HCN3: variants seen among roughly 807,000 people sequenced by gnomAD.
HCN3 encodes hyperpolarization activated cyclic nucleotide gated potassium channel 3.
Under a neutral mutation model 56.8 loss-of-function variants are expected in HCN3, and 36 were observed. The observed-to-expected ratio is 0.63, with a 90% CI of 0.49 to 0.84. HCN3 has a LOEUF of 0.84. HCN3 is among the 40% of genes least tolerant of loss of function. The probability of loss-of-function intolerance (pLI) is 0.00; values close to 1 mark genes in which losing one functional copy is unlikely to be tolerated. For synonymous variants in HCN3, 425 were observed against 439.7 expected, an observed-to-expected ratio of 0.97 and a Z score of 0.42; for missense variants, 930 against 1,079.3, an observed-to-expected ratio of 0.86 and a Z score of 1.94.
chr1:155,280,193 C>A (rs1241758482), intron 1 of HCN3, among the ~76,000 whole-genome samples: 1 of 151,974 alleles, frequency 6.6e-6, no homozygotes, highest in Non-Finnish European at 1.5e-5. Flanking sequence ...GATCCACCCA[C>A]CTCAGCCTCC....
rs1420344105 is a variant in HCN3 at position 155,277,477 on chromosome 1, G to C, written c.-114G>C. 3.1e-6 allele frequency: 4 copies of C among 1,310,216 alleles called. No homozygotes were observed. Among genetic ancestry groups the C allele is most frequent in the Non-Finnish European group, 4.1e-6 (4 of 985,730 alleles). 81.2% of individuals were successfully genotyped at this position (1,310,216 alleles called of 1,614,324 possible). ...CGCGCGCCGGCGATTCCGAGCCTAC[G>C]ACGCCTCCGCTAGAGCCCGCGGGGC... On this transcript the variant is annotated 5_prime_UTR_variant, in exon 1 of 8. Coordinates refer to ENST00000368358, the MANE Select transcript of HCN3 (RefSeq NM_020897.3).
rs1557946281 is a variant in HCN3, at chr1:155,282,311, T to C, written c.279-100T>C. 1.7e-4 allele frequency: 184 copies of C among 1,106,156 alleles called. No individual in the cohort carries two copies. Among genetic ancestry groups the C allele is most frequent in the Non-Finnish European group, 2.3e-4 (170 of 746,014 alleles). The allele number at this position is 1,106,156 out of a possible 1,614,324, so 68.5% of individuals were successfully genotyped here. ...TGTAAACAGTCATTCTGTTATTGTG[T>C]ATCTTTGCCCATTCTTGGCCATGTC... On this transcript the variant is annotated intron_variant, in intron 1 of 7. Transcript: ENST00000368358. This position sits in a 1 kb window ranked among gnomAD's most constrained non-coding sequence, Gnocchi z 4.7.
At chr1:155,287,441 C>T (rs2148187093) in intron 7 of HCN3, 104 bp downstream of exon 7, 2 of 1,335,874 alleles carry the variant, frequency 1.5e-6, no homozygotes, top group East Asian at 4.7e-5. Context: ...TATCCCAATC[C>T]ATTCAGTCCC....
chr1:155,283,248 A>C (rs1437661726), intron 2 of HCN3, among the ~76,000 whole-genome samples: 1 of 152,098 alleles, frequency 6.6e-6, no homozygotes, highest in Admixed American at 6.6e-5. Context: ...ATTGTTTACT[A>C]TAGGAGACTT....
chr1:155,286,044 C>T (rs1674273896), intron 6 of HCN3, 80 bp downstream of exon 6: 3 of 1,508,010 alleles, frequency 2.0e-6, no homozygotes, highest in South Asian at 1.3e-5. Flanking sequence ...TGGGTCCCTG[C>T]CTCAGTACGC....
Position 155,288,105 on chromosome 1 carries a change from C to A in HCN3, c.1967C>A (p.Pro656Gln). Residue 656 changes from proline (P) to glutamine (Q), a missense_variant, in exon 8 of 8, where the codon CCG becomes CAG. Pro to Gln is a moderately conservative substitution (Grantham distance 76). Transcript: ENST00000368358. The surrounding 1 kb of genome is among the most constrained non-coding windows in gnomAD (Gnocchi z 6.5). The part of the protein sequence containing the change: ...AWRSAGSPAS[P>Q]LVPVRAGPWA... ...CGCTCAGCAGGCTCTCCAGCTTCCCCGCTGGTGCCCGTCCGAGCTGGCCCA... is the reference window on the plus strand; with the variant it reads ...CGCTCAGCAGGCTCTCCAGCTTCCCAGCTGGTGCCCGTCCGAGCTGGCCCA... 1 of 1,607,512 alleles carries A rather than the reference C, an allele frequency of 6.2e-7. No individual in the cohort carries two copies. The highest frequency in any genetic ancestry group is 1.1e-5 in the South Asian group (1 of 90,548).
At position 155,288,412 on chromosome 1, in the gene HCN3, A is replaced by G; in HGVS notation, c.2274A>G (p.Pro758=). 1 of 1,612,726 alleles carries G rather than the reference A, an allele frequency of 6.2e-7. No homozygotes were observed. The highest frequency in any genetic ancestry group is 1.3e-5 in the African/African-American group (1 of 75,006). ...GGACAGCCCAGCCCCCCAGGCCACC[A>G]GTGCCTGAGCCAGCCACACCCCGGG... ...PPRTAQPPRP[P]VPEPATPRGL... The change falls in exon 8 of 8, where the codon CCA becomes CCG. Residue 758 remains proline (P), a synonymous_variant. Coordinates refer to ENST00000368358, the MANE Select transcript of HCN3 (RefSeq NM_020897.3). This position sits in a 1 kb window ranked among gnomAD's most constrained non-coding sequence, Gnocchi z 6.5.
chr1:155,277,999 GAGTCACTTGCACC>G lies in HCN3; in HGVS notation c.278+136_278+148del, dbSNP rs1456533544. The stretch of plus-strand genomic sequence containing the variant: ...CCCGGGGTCCCTTGGTGGGGCGGGA[GAGTCACTTGCACC>G]AGTCTAGCCTGGGAATTCCTGGGCG... On this transcript the variant is annotated intron_variant, in intron 1 of 7. Transcript: ENST00000368358. 4 of 1,154,744 alleles carry G rather than the reference GAGTCACTTGCACC, an allele frequency of 3.5e-6. No homozygotes were observed. In the African/African-American group the frequency reaches 6.2e-5, roughly 18 times the overall value. 71.5% of individuals were successfully genotyped at this position (1,154,744 alleles called of 1,614,324 possible). A position where few individuals can be genotyped will look rare whatever the true frequency, so the allele number is the denominator to read the frequency against.
chr1:155,286,563 T>C (rs1674295719), intron 6 of HCN3, among the ~76,000 whole-genome samples: 1 of 152,102 alleles, frequency 6.6e-6, no homozygotes, highest in Non-Finnish European at 1.5e-5. Context: ...TCCTATGAGA[T>C]GAGGGAAAGG....
In HCN3 at chr1:155,282,445, G is replaced by A. The variant is rs141019470; in HGVS notation, c.313G>A (p.Val105Met). 31 of 1,614,222 alleles carry A rather than the reference G, an allele frequency of 1.9e-5. No homozygotes were observed. The East Asian group carries it at 6.9e-4, about 36-fold the overall frequency. The change falls in exon 2 of 8, where the codon GTG becomes ATG. Residue 105 changes from valine (V) to methionine (M), a missense_variant. Transcript: ENST00000368358. This position sits in a 1 kb window ranked among gnomAD's most constrained non-coding sequence, Gnocchi z 4.7. ...YWDLIMLLLM[V>M]GNLIVLPVGI... is the part of the protein sequence containing the mutation. The stretch of plus-strand genomic sequence containing the variant: ...GGACCTGATCATGCTGCTGCTGATG[G>A]TGGGGAACCTCATCGTCCTGCCTGT...
Position 155,288,776 on chromosome 1 carries a change from T to G in HCN3, c.*313T>G. The G allele has an allele frequency of 2.9e-5, 10 of 348,764 alleles. No homozygotes were observed. Among genetic ancestry groups the G allele is most frequent in the Non-Finnish European group, 4.7e-5 (9 of 191,998 alleles). The allele number at this position is 348,764 out of a possible 1,614,324, so 21.6% of individuals were successfully genotyped here. A position where few individuals can be genotyped will look rare whatever the true frequency, so the allele number is the denominator to read the frequency against. On this transcript the variant is annotated 3_prime_UTR_variant, in exon 8 of 8. Coordinates refer to ENST00000368358, the MANE Select transcript of HCN3 (RefSeq NM_020897.3). This position sits in a 1 kb window ranked among gnomAD's most constrained non-coding sequence, Gnocchi z 6.5. The stretch of plus-strand genomic sequence containing the variant: ...GACTCAAAACCCTCTGACAAGGATA[T>G]TCCCTTGGCTATGGTCCTGCCAGGT...
intron 1 of HCN3, among the ~76,000 whole-genome samples, chr1:155,281,453 C>G (rs563129268): frequency 3.7e-4 from 56 of 151,980 alleles, no homozygotes; most frequent in African/African-American, 1.3e-3. Flanking sequence ...ACTGCAACCT[C>G]TGCCTTCCGG....
rs563192411 is a variant in HCN3, at chr1:155,288,267, G to A, written c.2129G>A (p.Arg710His). The change falls in exon 8 of 8, where the codon CGC becomes CAC. Residue 710 changes from arginine to histidine, a missense_variant. Physicochemically the swap from Arg to His is conservative, Grantham distance 29 (BLOSUM62 0). Coordinates refer to ENST00000368358, the MANE Select transcript of HCN3 (RefSeq NM_020897.3). The surrounding 1 kb of genome is among the most constrained non-coding windows in gnomAD (Gnocchi z 6.5). ...GGGRRLGPRG[R>H]PLSASQPSLP... ...GGACGGCGGCTAGGACCTCGGGGCC[G>A]CCCACTCTCAGCCTCCCAACCCTCT... is the stretch of plus-strand genomic sequence containing the variant. 2.7e-5 allele frequency: 44 copies of A among 1,602,772 alleles called. No homozygotes were observed. The highest frequency in any genetic ancestry group is 3.3e-4 in the Middle Eastern group (2 of 6,050).
intron 6 of HCN3, among the ~76,000 whole-genome samples, chr1:155,286,380 C>G (rs1653013322): frequency 6.6e-6 from 1 of 152,130 alleles, no homozygotes. Context: ...CTCCTGACCT[C>G]GTGATCCGCC....
At chr1:155,278,792 T>G (rs1673911052) in intron 1 of HCN3, among the ~76,000 whole-genome samples, 1 of 152,220 alleles carries the variant, frequency 6.6e-6, no homozygotes, top group Non-Finnish European at 1.5e-5. Context: ...CTGTCTTTGC[T>G]GCCTCGTTCC....
Position 155,285,553 on chromosome 1 carries a change from A to T in HCN3, c.1237-171A>T, listed in dbSNP as rs1302270609. The stretch of plus-strand genomic sequence containing the variant: ...TTGGGGGATGGTCCTGCAAGGGCTC[A>T]TGGGAAAGATCTGAAGGCAGGAGCT... On this transcript the variant is annotated intron_variant, in intron 5 of 7. Transcript: ENST00000368358. This position sits in a 1 kb window ranked among gnomAD's most constrained non-coding sequence, Gnocchi z 4.5. Among the ~76,000 whole-genome samples, 2 of 152,206 alleles carry T rather than the reference A, an allele frequency of 1.3e-5. No individual in the cohort carries two copies. The highest frequency in any genetic ancestry group is 4.1e-4 in the South Asian group (2 of 4,838).
At position 155,285,952 on chromosome 1, in the gene HCN3, T is replaced by A. The variant is rs1366286481; in HGVS notation, c.1465T>A (p.Ser489Thr). ...CCGGGACACACGCCTCACCGATGGATCCTACTTTGGGGGTCAGCAGGCCTC... is the reference window on the plus strand; with the variant it reads ...CCGGGACACACGCCTCACCGATGGAACCTACTTTGGGGGTCAGCAGGCCTC... ...GARDTRLTDGSYFGEICLLTR... is the reference protein window; with the variant it reads ...GARDTRLTDGTYFGEICLLTR... Residue 489 changes from serine to threonine, a missense_variant, in exon 6 of 8, where the codon TCC becomes ACC. Coordinates refer to ENST00000368358, the MANE Select transcript of HCN3 (RefSeq NM_020897.3). The surrounding 1 kb of genome is among the most constrained non-coding windows in gnomAD (Gnocchi z 4.5). 2 of 1,587,292 alleles carry A rather than the reference T, an allele frequency of 1.3e-6. No individual in the cohort carries two copies. The highest frequency in any genetic ancestry group is 8.6e-7 in the Non-Finnish European group (1 of 1,162,242).
In HCN3 at chr1:155,289,716, A is replaced by T. The variant is rs1257644811; in HGVS notation, c.*1253A>T. The T allele has an allele frequency of 6.6e-6, 1 of 152,276 alleles. No individual in the cohort carries two copies. Among genetic ancestry groups the T allele is most frequent in the Non-Finnish European group, 1.5e-5 (1 of 68,060 alleles). 9.4% of individuals were successfully genotyped at this position (152,276 alleles called of 1,614,324 possible). ...CCTGTCCCCTCTCCTACTCTACAGC[A>T]TTAAAGACTGTGGGACCAGGACCCT... On this transcript the variant is annotated 3_prime_UTR_variant, in exon 8 of 8. Coordinates refer to ENST00000368358, the MANE Select transcript of HCN3 (RefSeq NM_020897.3).
rs745914746 is a variant in HCN3 at position 155,282,606 on chromosome 1, G to T, written c.474G>T (p.Leu158=). The T allele has an allele frequency of 6.2e-7, 1 of 1,614,140 alleles. No homozygotes were observed. Residue 158 remains leucine (L), a synonymous_variant, in exon 2 of 8, where the codon CTG becomes CTT. Coordinates refer to ENST00000368358, the MANE Select transcript of HCN3 (RefSeq NM_020897.3). The surrounding 1 kb of genome is among the most constrained non-coding windows in gnomAD (Gnocchi z 4.7). ...GIVVEEGAEI[L]LAPRAIRTRY... ...TGGTGGAGGAGGGTGCTGAGATCCT[G>T]CTGGCACCGCGGGCCATCCGCACGC... is the stretch of plus-strand genomic sequence containing the variant.
Sources: gnomAD v4.1 joint callset for allele counts (sites outside exome capture counted in the v4.1 genomes callset) on GRCh38, gnomAD v4.1.1 for gene constraint, Gnocchi (gnomAD v3.1) non-coding constraint, MANE v1.5 for transcripts, NCBI Gene and HGNC (gene_info 2026-07-23, HGNC 2026-07-21) for gene names.